TTL: variants seen among roughly 807,000 people sequenced by gnomAD.
TTL encodes the protein tubulin--tyrosine ligase.
In TTL, 10 loss-of-function variants were observed where a neutral mutation model predicts 41.1. That is an observed-to-expected ratio of 0.24 (90% confidence interval 0.15 to 0.41). The LOEUF (loss-of-function observed/expected upper bound fraction) is 0.41. TTL is among the 10% of genes least tolerant of loss of function. The pLI is 1.00. For missense variants in TTL, 367 were observed against 460.4 expected (o/e 0.80, Z 1.86); for synonymous variants, 175 against 175.5 (o/e 1.00, Z 0.02).
intron 6 of TTL, 190 bp downstream of exon 6, chr2:112,520,615 G>A: frequency 3.8e-6 from 1 of 260,884 alleles, no homozygotes; most frequent in East Asian, 1.5e-4. Context: ...CCCGTGTATA[G>A]GCCAGATAGG....
At chr2:112,495,927 CG>C (rs1559012433) in intron 3 of TTL, among the ~76,000 whole-genome samples, 1 of 152,150 alleles carries the variant, frequency 6.6e-6, no homozygotes, top group African/African-American at 2.4e-5. Context: ...ATTTCTGTTC[CG>C]GGTCGAAGGG....
In TTL at chr2:112,532,844, C is replaced by T. The variant is rs1682538503; in HGVS notation, c.*4049C>T. On this transcript the variant is annotated 3_prime_UTR_variant, in exon 7 of 7. Coordinates refer to ENST00000233336, the MANE Select transcript of TTL (RefSeq NM_153712.5). ...CCCAGGATGTTACCCAATACATAAGCCAACAGATTGTCCTTCAAAACTGAT... is the reference window on the plus strand; with the variant it reads ...CCCAGGATGTTACCCAATACATAAGTCAACAGATTGTCCTTCAAAACTGAT... 6.6e-6 allele frequency: 1 copy of T among 152,626 alleles called. No homozygotes were observed. The highest frequency in any genetic ancestry group is 1.5e-5 in the Non-Finnish European group (1 of 68,362). The allele number at this position is 152,626 out of a possible 1,614,324, so 9.5% of individuals were successfully genotyped here. A position where few individuals can be genotyped will look rare whatever the true frequency, so the allele number is the denominator to read the frequency against.
At chr2:112,489,287 G>T (rs995861991) in intron 2 of TTL, among the ~76,000 whole-genome samples, 1 of 152,044 alleles carries the variant, frequency 6.6e-6, no homozygotes, top group Admixed American at 6.5e-5. Context: ...GGAAAGCTTT[G>T]ATCTGAATTT....
chr2:112,521,210 C>T lies in TTL; in HGVS notation c.1019+785C>T, dbSNP rs116239607. The T allele has an allele frequency of 2.5e-3, 2,450 of 985,232 alleles. 9 individuals carry two copies. Among genetic ancestry groups the T allele is most frequent in the Admixed American group, 0.014 (220 of 16,282 alleles). The allele number at this position is 985,232 out of a possible 1,614,324, so 61.0% of individuals were successfully genotyped here. Reference sequence around the variant, plus strand: ...CGTCCTGTGGGCTCTCACCCTGTCCCGGGCTCTGCAGGTCTGGGAGATGCC... The same window carrying T: ...CGTCCTGTGGGCTCTCACCCTGTCCTGGGCTCTGCAGGTCTGGGAGATGCC... On this transcript the variant is annotated intron_variant, in intron 6 of 6. Transcript: ENST00000233336.
chr2:112,530,615 A>G lies in TTL; in HGVS notation c.*1820A>G, dbSNP rs1682483906. The G allele has an allele frequency of 4.4e-6, 1 of 226,296 alleles. No homozygotes were observed. Among genetic ancestry groups the G allele is most frequent in the Non-Finnish European group, 8.8e-6 (1 of 113,726 alleles). 14.0% of individuals were successfully genotyped at this position (226,296 alleles called of 1,614,324 possible). On this transcript the variant is annotated 3_prime_UTR_variant, in exon 7 of 7. Transcript: ENST00000233336. ...CCTGGCAAGTCTAGGTGGGCGGGTG[A>G]CAGGGAAAGCATGGGCATTTTTGTA...
chr2:112,519,886 T>G (rs1299702838), intron 5 of TTL, among the ~76,000 whole-genome samples: 1 of 152,028 alleles, frequency 6.6e-6, no homozygotes, highest in Non-Finnish European at 1.5e-5. Flanking sequence ...ATCCCAGCAC[T>G]TTGGGAGGCC....
rs748851975 is a variant in TTL, at chr2:112,494,135, T to C, written c.237-8T>C. ...AAGGGAGGCTGATCCTCTTCTGTCA[T>C]CTGCCAGGCTAATCAAGACAAGCCC... is the stretch of plus-strand genomic sequence containing the variant. On this transcript the variant is annotated splice_region_variant and splice_polypyrimidine_tract_variant and intron_variant, in intron 2 of 6. Coordinates refer to ENST00000233336, the MANE Select transcript of TTL (RefSeq NM_153712.5). The C allele has an allele frequency of 6.2e-7, 1 of 1,611,920 alleles. No homozygotes were observed. The highest frequency in any genetic ancestry group is 8.5e-7 in the Non-Finnish European group (1 of 1,178,346).
chr2:112,528,887 C>T lies in TTL; in HGVS notation c.*92C>T, dbSNP rs931417502. 24 of 1,072,752 alleles carry T rather than the reference C, an allele frequency of 2.2e-5. No homozygotes were observed. In the Middle Eastern group the frequency reaches 6.0e-4, roughly 27 times the overall value. 66.5% of individuals were successfully genotyped at this position (1,072,752 alleles called of 1,614,324 possible). A position where few individuals can be genotyped will look rare whatever the true frequency, so the allele number is the denominator to read the frequency against. On this transcript the variant is annotated 3_prime_UTR_variant, in exon 7 of 7. Transcript: ENST00000233336. Reference sequence around the variant, plus strand: ...GGATTGCTCTTTATCCAGCCCACAGCAGGGGAAAGAAAGGCAACTCGCAAA... The same window carrying T: ...GGATTGCTCTTTATCCAGCCCACAGTAGGGGAAAGAAAGGCAACTCGCAAA...
At chr2:112,501,538 A>G (rs1333999767) in intron 4 of TTL, among the ~76,000 whole-genome samples, 197 bp downstream of exon 4, 1 of 151,790 alleles carries the variant, frequency 6.6e-6, no homozygotes, top group Non-Finnish European at 1.5e-5. Context: ...CCATCTAGAA[A>G]ATGTTACTAC....
rs560489395 is a variant in TTL at position 112,490,039 on chromosome 2, G to T, written c.236+4044G>T. Among the ~76,000 whole-genome samples the T allele has an allele frequency of 4.5e-3, 682 of 152,236 alleles. 1 individual carries two copies. Among genetic ancestry groups the T allele is most frequent in the African/African-American group, 0.015 (640 of 41,530 alleles). On this transcript the variant is annotated intron_variant, in intron 2 of 6. Transcript: ENST00000233336. ...AGTATCATTAAATTCATTGTCTTCT[G>T]TTTCCATGAACTGGAGAATCATTGA...
At position 112,530,795 on chromosome 2, in the gene TTL, A is replaced by G. The variant is rs1489401711; in HGVS notation, c.*2000A>G. 1 of 196,868 alleles carries G rather than the reference A, an allele frequency of 5.1e-6. No individual in the cohort carries two copies. The highest frequency in any genetic ancestry group is 1.1e-5 in the Non-Finnish European group (1 of 95,060). The allele number at this position is 196,868 out of a possible 1,614,324, so 12.2% of individuals were successfully genotyped here. A position where few individuals can be genotyped will look rare whatever the true frequency, so the allele number is the denominator to read the frequency against. The stretch of plus-strand genomic sequence containing the variant: ...TGGATTTTCTGAGAAACCTGACTCA[A>G]TGGCATATATAAGAGGGAAGTAAGA... On this transcript the variant is annotated 3_prime_UTR_variant, in exon 7 of 7. Coordinates refer to ENST00000233336, the MANE Select transcript of TTL (RefSeq NM_153712.5).
At chr2:112,514,786 C>G (rs1423059690) in intron 5 of TTL, among the ~76,000 whole-genome samples, 1 of 152,170 alleles carries the variant, frequency 6.6e-6, no homozygotes, top group East Asian at 1.9e-4. Context: ...ATTATACTTT[C>G]AGTTGTGTCT....
chr2:112,526,145 C>T (rs1310009389), intron 6 of TTL, among the ~76,000 whole-genome samples: 1 of 152,180 alleles, frequency 6.6e-6, no homozygotes, highest in Non-Finnish European at 1.5e-5. Context: ...CCCACTTGAT[C>T]ATGGTGGATA....
intron 5 of TTL, among the ~76,000 whole-genome samples, chr2:112,513,650 T>C (rs1681988857): frequency 6.7e-6 from 1 of 149,914 alleles, no homozygotes; most frequent in Admixed American, 6.7e-5. Flanking sequence ...TTTATACAAG[T>C]ATAAATATAA....
At position 112,486,113 on chromosome 2, in the gene TTL, A is replaced by G. The variant is rs144246125; in HGVS notation, c.236+118A>G. ...TTTAAAAGCCAACAAATATCAGTTC[A>G]GAAGCTTCCTCTAAGCCGCTTTGGT... On this transcript the variant is annotated intron_variant, in intron 2 of 6. Transcript: ENST00000233336. 6 of 1,029,800 alleles carry G rather than the reference A, an allele frequency of 5.8e-6. No homozygotes were observed. The East Asian group carries it at 1.3e-4, about 22-fold the overall frequency. The allele number at this position is 1,029,800 out of a possible 1,614,324, so 63.8% of individuals were successfully genotyped here. A position where few individuals can be genotyped will look rare whatever the true frequency, so the allele number is the denominator to read the frequency against.
At chr2:112,515,381 T>C (rs980695643) in intron 5 of TTL, among the ~76,000 whole-genome samples, 4 of 152,222 alleles carry the variant, frequency 2.6e-5, no homozygotes, top group Non-Finnish European at 4.4e-5. Flanking sequence ...AGAAAAAGTT[T>C]GTCAGCTCCT....
chr2:112,490,930 A>G (rs1044709761), intron 2 of TTL, among the ~76,000 whole-genome samples: 1 of 152,000 alleles, frequency 6.6e-6, no homozygotes, highest in Non-Finnish European at 1.5e-5. Context: ...ATAGAAAGAA[A>G]TTTTTTGCAT....
At position 112,494,165 on chromosome 2, in the gene TTL, C is replaced by G. The variant is rs1321551928; in HGVS notation, c.259C>G (p.Leu87Val). ...LVKLIKTSPE[L>V]AESCTWFPES... Reference sequence around the variant, plus strand: ...CAGGCTAATCAAGACAAGCCCTGAACTGGCTGAGTCCTGCACATGGTTCCC... The same window carrying G: ...CAGGCTAATCAAGACAAGCCCTGAAGTGGCTGAGTCCTGCACATGGTTCCC... Residue 87 changes from leucine to valine, a missense_variant, in exon 3 of 7, where the codon CTG becomes GTG. Transcript: ENST00000233336. 1.2e-6 allele frequency: 2 copies of G among 1,614,080 alleles called. No homozygotes were observed. Among genetic ancestry groups the G allele is most frequent in the East Asian group, 4.5e-5 (2 of 44,906 alleles).
chr2:112,520,297 CG>C lies in TTL; in HGVS notation c.892del (p.Val298TrpfsTer28). The C allele has an allele frequency of 6.2e-7, 1 of 1,614,146 alleles. No individual in the cohort carries two copies. Among genetic ancestry groups the C allele is most frequent in the Non-Finnish European group, 8.5e-7 (1 of 1,180,014 alleles). On this transcript the variant is annotated frameshift_variant, in exon 6 of 7. Coordinates refer to ENST00000233336, the MANE Select transcript of TTL (RefSeq NM_153712.5). LOFTEE classifies it high-confidence loss of function. ...TGCCTCATAGGAACTGCCTCCTGAG[CG>C]TGGAGCCTGCCATTAGCACCAAGCA... ...KHIIRNCLLS[V>X]EPAISTKHLP...
Sources: allele counts gnomAD v4.1 joint callset (sites outside exome capture counted in the v4.1 genomes callset), GRCh38; gene constraint gnomAD v4.1.1; transcripts MANE v1.5; gene names NCBI Gene and HGNC (gene_info 2026-07-23, HGNC 2026-07-21).